The following TRPM6 variants were observed in gnomAD, a reference collection of about 807,000 sequenced individuals.
TRPM6 encodes the protein transient receptor potential cation channel subfamily M member 6, also known as channel kinase 2.
A neutral mutation model predicts 247.6 loss-of-function variants in TRPM6; 111 were observed. The observed-to-expected ratio is 0.45, with a 90% CI of 0.38 to 0.52. TRPM6 has a LOEUF of 0.52. TRPM6 is among the 20% of genes least tolerant of loss of function. The probability of loss-of-function intolerance (pLI) is 0.00; values close to 1 mark genes in which losing one functional copy is unlikely to be tolerated. For missense variants in TRPM6, 2,126 were observed against 2,421.5 expected, an observed-to-expected ratio of 0.88 and a Z score of 2.56; for synonymous variants, 892 against 853.8, an observed-to-expected ratio of 1.04 and a Z score of -0.78.
At chr9:74,793,258 CAT>C (rs146324803) in intron 18 of TRPM6, among the ~76,000 whole-genome samples, 185 of 152,302 alleles carry the variant, frequency 1.2e-3, no homozygotes, top group African/African-American at 4.3e-3. Flanking sequence ...AGTTAAAACA[CAT>C]GAGGTATTTC....
intron 5 of TRPM6, among the ~76,000 whole-genome samples, chr9:74,839,660 A>T (rs1438173083): frequency 6.6e-6 from 1 of 152,036 alleles, no homozygotes; most frequent in Non-Finnish European, 1.5e-5. Context: ...GTTACATTAA[A>T]ATAGTATATT....
chr9:74,732,787 A>C (rs1825567317), intron 36 of TRPM6, 51 bp from the exon 37 acceptor site: 1 of 1,282,800 alleles, frequency 7.8e-7, no homozygotes, highest in African/African-American at 1.5e-5. Flanking sequence ...TCATTTTCTT[A>C]GAAATTCAAG....
At chr9:74,881,116 G>A (rs1020124641) in intron 1 of TRPM6, among the ~76,000 whole-genome samples, 23 of 151,796 alleles carry the variant, frequency 1.5e-4, no homozygotes, top group African/African-American at 4.8e-4. Context: ...TCAACGTAGC[G>A]AGATCCCATC....
At chr9:74,785,796 T>G (rs898898690) in intron 21 of TRPM6, 78 bp downstream of exon 21, 78 of 1,534,522 alleles carry the variant, frequency 5.1e-5, no homozygotes, top group Non-Finnish European at 7.0e-5. Flanking sequence ...GTGCTGGGAT[T>G]ACAGGTGTGA....
chr9:74,887,618 T>C (rs1212956374), intron 1 of TRPM6: 3 of 1,543,674 alleles, frequency 1.9e-6, no homozygotes, highest in East Asian at 2.4e-5. Flanking sequence ...TGCCCTGTAG[T>C]AGCGTACACT....
At chr9:74,776,113 A>G in intron 23 of TRPM6, 37 bp from the exon 24 acceptor site, 1 of 1,563,420 alleles carries the variant, frequency 6.4e-7, no homozygotes, top group Non-Finnish European at 8.8e-7. Context: ...ATGTTTTAAT[A>G]TGAAGTCTTG....
intron 1 of TRPM6, among the ~76,000 whole-genome samples, chr9:74,859,314 T>C (rs1830624356): frequency 6.6e-6 from 1 of 152,158 alleles, no homozygotes; most frequent in African/African-American, 2.4e-5. Context: ...TACTCACTCT[T>C]CCTCCTAATA....
chr9:74,873,877 C>A (rs1484941027), intron 1 of TRPM6, among the ~76,000 whole-genome samples: 1 of 150,800 alleles, frequency 6.6e-6, no homozygotes, highest in Admixed American at 6.6e-5. Context: ...AAAAAAAAAA[C>A]CCTCACATTC....
Position 74,724,685 on chromosome 9 carries a change from T to C in TRPM6, c.5997A>G (p.Lys1999=). Residue 1999 remains lysine, a synonymous_variant, in exon 39 of 39, where the codon AAA becomes AAG. Coordinates refer to ENST00000360774, the MANE Select transcript of TRPM6 (RefSeq NM_017662.5). ...RINSTFGLEI[K]IESAEEPPAR... Reference sequence around the variant, plus strand: ...CTGGAGGCTCCTCAGCTGATTCTATTTTTATCTCAAGTCCAAAGGTGGAAT... The same window carrying C: ...CTGGAGGCTCCTCAGCTGATTCTATCTTTATCTCAAGTCCAAAGGTGGAAT... The C allele has an allele frequency of 6.2e-7, 1 of 1,614,216 alleles. No individual in the cohort carries two copies. The highest frequency in any genetic ancestry group is 8.5e-7 in the Non-Finnish European group (1 of 1,180,026).
Position 74,755,412 on chromosome 9 carries a change from C to T in TRPM6, c.4847G>A (p.Ser1616Asn), listed in dbSNP as rs1337906389. The change falls in exon 28 of 39, where the codon AGC (serine) becomes AAC (asparagine). Residue 1616 changes from serine (S) to asparagine (N), a missense_variant. Physicochemically the swap from Ser to Asn is conservative, Grantham distance 46 (BLOSUM62 1). Coordinates refer to ENST00000360774, the MANE Select transcript of TRPM6 (RefSeq NM_017662.5). ...DQLNPEPGEN[S>N]ISEEEYSKNW... ...CTTGCTGTACTCCTCTTCAGAGATG[C>T]TGTTTTCTCCTGGCTCTGGATTCAA... 3 of 1,614,122 alleles carry T rather than the reference C, an allele frequency of 1.9e-6. No individual in the cohort carries two copies. Among genetic ancestry groups the T allele is most frequent in the Non-Finnish European group, 2.5e-6 (3 of 1,179,970 alleles).
chr9:74,734,289 T>C (rs573533453), intron 36 of TRPM6, among the ~76,000 whole-genome samples: 1 of 152,336 alleles, frequency 6.6e-6, no homozygotes, highest in East Asian at 1.9e-4. Context: ...TTTAAAATTA[T>C]ATAAAATTTG....
chr9:74,860,217 T>C (rs959753318), intron 1 of TRPM6, among the ~76,000 whole-genome samples: 1 of 152,224 alleles, frequency 6.6e-6, no homozygotes, highest in Admixed American at 6.5e-5. Flanking sequence ...CATTTTACTC[T>C]CTTATTCTTT....
intron 6 of TRPM6, among the ~76,000 whole-genome samples, chr9:74,830,750 T>G (rs963958111): frequency 5.2e-4 from 3 of 5,760 alleles, no homozygotes; most frequent in Admixed American, 1.6e-3. Context: ...CTAATTTTTG[T>G]TTTTTTTTTT....
At chr9:74,802,238 T>C (rs1828367493) in intron 15 of TRPM6, 63 bp from the exon 16 acceptor site, 1 of 1,464,828 alleles carries the variant, frequency 6.8e-7, no homozygotes, top group Non-Finnish European at 9.5e-7. Flanking sequence ...TTTACCTAAT[T>C]CAACACAGCA....
chr9:74,744,153 T>A lies in TRPM6; in HGVS notation c.5084-8A>T, dbSNP rs764838440. The A allele has an allele frequency of 6.2e-7, 1 of 1,613,700 alleles. No homozygotes were observed. Among genetic ancestry groups the A allele is most frequent in the Non-Finnish European group, 8.5e-7 (1 of 1,179,666 alleles). ...TTAAGGAGGCTGAGATCTCTGAAAT[T>A]AGAGAGGAGATTGGCATTTTAATTA... is the stretch of plus-strand genomic sequence containing the variant. On this transcript the variant is annotated splice_region_variant and splice_polypyrimidine_tract_variant and intron_variant, in intron 31 of 38. Coordinates refer to ENST00000360774, the MANE Select transcript of TRPM6 (RefSeq NM_017662.5).
rs558455986 is a variant in TRPM6, at chr9:74,804,470, C to T, written c.1639-584G>A. On this transcript the variant is annotated intron_variant, in intron 14 of 38. Transcript: ENST00000360774. ...GACTAACATAAAATATGATAAAAAC[C>T]ATAAGCTTGCCTGATCTCTATTTCT... 3 of 638,260 alleles carry T rather than the reference C, an allele frequency of 4.7e-6. No individual in the cohort carries two copies. In the East Asian group the frequency reaches 8.5e-5, roughly 18 times the overall value. 39.5% of individuals were successfully genotyped at this position (638,260 alleles called of 1,614,324 possible). A position where few individuals can be genotyped will look rare whatever the true frequency, so the allele number is the denominator to read the frequency against.
At chr9:74,799,291 T>C (rs1564019901) in intron 17 of TRPM6, among the ~76,000 whole-genome samples, 1 of 152,180 alleles carries the variant, frequency 6.6e-6, no homozygotes, top group Non-Finnish European at 1.5e-5. Flanking sequence ...TAGTTCTTAA[T>C]AGTCACTCTT....
intron 38 of TRPM6, 32 bp downstream of exon 38, chr9:74,728,207 A>ACTT (rs1175555079): frequency 6.9e-7 from 1 of 1,443,646 alleles, no homozygotes; most frequent in East Asian, 2.3e-5. Context: ...TGAGAGATTT[A>ACTT]CTTAGAGAAA....
At chr9:74,834,239 G>A in intron 5 of TRPM6, 117 bp from the exon 6 acceptor site, 1 of 1,250,944 alleles carries the variant, frequency 8.0e-7, no homozygotes, top group Non-Finnish European at 1.2e-6. Context: ...CTTAGGGAGA[G>A]TTGCTGGTAC....
Sources: gnomAD v4.1 joint callset for allele counts (sites outside exome capture counted in the v4.1 genomes callset) on GRCh38, gnomAD v4.1.1 for gene constraint, MANE v1.5 for transcripts, NCBI Gene and HGNC (gene_info 2026-07-23, HGNC 2026-07-21) for gene names.